Variants in NKD1 observed in about 807,000 individuals in gnomAD.
NKD1 encodes the protein NKD inhibitor of Wnt signaling pathway 1.
A neutral mutation model predicts 56.0 loss-of-function variants in NKD1; 21 were observed. That is an observed-to-expected ratio of 0.38 (90% CI 0.27 to 0.54). NKD1 has a LOEUF of 0.54. Ranked by LOEUF, NKD1 falls within the 20% of genes least tolerant of loss-of-function variation. The pLI is 0.82. For synonymous variants in NKD1, 263 were observed against 265.7 expected, an observed-to-expected ratio of 0.99 and a Z score of 0.10; for missense variants, 578 against 642.7, an observed-to-expected ratio of 0.90 and a Z score of 1.09.
chr16:50,639,863 A>G lies in NKD1; in HGVS notation c.*6082A>G, dbSNP rs1375082160. The G allele has an allele frequency of 5.9e-5, 9 of 152,230 alleles. No homozygotes were observed. The highest frequency in any genetic ancestry group is 2.6e-4 in the Admixed American group (4 of 15,286). The allele number at this position is 152,230 out of a possible 1,614,324, so 9.4% of individuals were successfully genotyped here. On this transcript the variant is annotated 3_prime_UTR_variant, in exon 10 of 10. Coordinates refer to ENST00000268459, the MANE Select transcript of NKD1 (RefSeq NM_033119.5). ...AGGACTACGGTCTGAAATTAGGGAG[A>G]TATGAATGTCTTTCTTGAAAACTTC...
rs181192932 is a variant in NKD1, at chr16:50,647,289, G to A, written c.*13508G>A. On this transcript the variant is annotated 3_prime_UTR_variant, in exon 10 of 10. Coordinates refer to ENST00000268459, the MANE Select transcript of NKD1 (RefSeq NM_033119.5). ...TCTGGGCAATGAGATCTGAAGGGAAGTCTGTTGAGGAACTTGTAACATGTC... is the reference window on the plus strand; with the variant it reads ...TCTGGGCAATGAGATCTGAAGGGAAATCTGTTGAGGAACTTGTAACATGTC... 1.0e-4 allele frequency: 16 copies of A among 152,386 alleles called. No individual in the cohort carries two copies. The highest frequency in any genetic ancestry group is 9.8e-4 in the Admixed American group (15 of 15,308). The allele number at this position is 152,386 out of a possible 1,614,324, so 9.4% of individuals were successfully genotyped here.
chr16:50,611,668 A>G (rs1376274016), intron 4 of NKD1, among the ~76,000 whole-genome samples: 1 of 152,130 alleles, frequency 6.6e-6, no homozygotes, highest in Non-Finnish European at 1.5e-5. Flanking sequence ...AATGGTCCCT[A>G]ACTTTGCCTT....
At position 50,633,183 on chromosome 16, in the gene NKD1, G is replaced by C; in HGVS notation, c.824-9G>C. On this transcript the variant is annotated splice_polypyrimidine_tract_variant and intron_variant, in intron 9 of 9. Coordinates refer to ENST00000268459, the MANE Select transcript of NKD1 (RefSeq NM_033119.5). This position sits in a 1 kb window ranked among gnomAD's most constrained non-coding sequence, Gnocchi z 4.9. Reference sequence around the variant, plus strand: ...GTGCTCATTAAATGTCTGTTGAATTGGTTCCTAGGCTCCCCTTCCGTGGCC... The same window carrying C: ...GTGCTCATTAAATGTCTGTTGAATTCGTTCCTAGGCTCCCCTTCCGTGGCC... 2 of 1,591,914 alleles carry C rather than the reference G, an allele frequency of 1.3e-6. No individual in the cohort carries two copies. The highest frequency in any genetic ancestry group is 1.7e-6 in the Non-Finnish European group (2 of 1,166,462).
Position 50,642,671 on chromosome 16 carries a change from T to G in NKD1, c.*8890T>G, listed in dbSNP as rs1187664086. 6.6e-6 allele frequency: 1 copy of G among 152,220 alleles called. No individual in the cohort carries two copies. Among genetic ancestry groups the G allele is most frequent in the Non-Finnish European group, 1.5e-5 (1 of 68,080 alleles). 9.4% of individuals were successfully genotyped at this position (152,220 alleles called of 1,614,324 possible). The stretch of plus-strand genomic sequence containing the variant: ...AGCCTGGCACGTAATAGGCCCTCGA[T>G]AAGTAAAACAGCAACAGTAGCTGCA... On this transcript the variant is annotated 3_prime_UTR_variant, in exon 10 of 10. Transcript: ENST00000268459.
intron 3 of NKD1, among the ~76,000 whole-genome samples, chr16:50,593,766 TG>T (rs1961418475): frequency 6.6e-6 from 1 of 152,240 alleles, no homozygotes. Flanking sequence ...TTCATTTTTT[TG>T]TGTTTTAAGT....
At chr16:50,562,986 A>ACCACCCC (rs1376803515) in intron 3 of NKD1, among the ~76,000 whole-genome samples, 1 of 60,436 alleles carries the variant, frequency 1.7e-5, no homozygotes, top group African/African-American at 9.4e-5. Context: ...TCCCACCACC[A>ACCACCCC]CCCCCCCCCC....
intron 4 of NKD1, among the ~76,000 whole-genome samples, chr16:50,621,086 A>G (rs771106601): frequency 1.3e-5 from 2 of 152,240 alleles, no homozygotes; most frequent in Non-Finnish European, 2.9e-5. Context: ...TGGACGGTGC[A>G]TGTGTGCACT....
rs1962711907 is a variant in NKD1, at chr16:50,648,054, GTGATTT to G, written c.*14274_*14279del. The stretch of plus-strand genomic sequence containing the variant: ...ACCTGACACCCTGCCAGCAACCTGG[GTGATTT>G]CCGCAGGTGTCTGAACCCCGATCTC... On this transcript the variant is annotated 3_prime_UTR_variant, in exon 10 of 10. Coordinates refer to ENST00000268459, the MANE Select transcript of NKD1 (RefSeq NM_033119.5). The G allele has an allele frequency of 6.6e-6, 1 of 152,312 alleles. No homozygotes were observed. The highest frequency in any genetic ancestry group is 1.5e-5 in the Non-Finnish European group (1 of 68,082). 9.4% of individuals were successfully genotyped at this position (152,312 alleles called of 1,614,324 possible).
At chr16:50,557,283 A>G (rs1596703604) in intron 3 of NKD1, 1 of 152,322 alleles carries the variant, frequency 6.6e-6, no homozygotes, top group South Asian at 2.1e-4. Context: ...GGTGTTTTTC[A>G]TTCCACAAAT....
chr16:50,567,076 G>C lies in NKD1; in HGVS notation c.192+17521G>C, dbSNP rs74017714. On this transcript the variant is annotated intron_variant, in intron 3 of 9. Transcript: ENST00000268459. The stretch of plus-strand genomic sequence containing the variant: ...TTTTCCCTATGTGATCTCCCAATTT[G>C]AGGGGTGCATAGAGCTTAGGACCAG... Among the ~76,000 whole-genome samples, 862 of 149,644 alleles carry C rather than the reference G, an allele frequency of 5.8e-3. 4 individuals carry two copies. The highest frequency in any genetic ancestry group is 0.02 in the African/African-American group (813 of 40,516).
chr16:50,579,789 C>T (rs975650872), intron 3 of NKD1, among the ~76,000 whole-genome samples: 2 of 151,658 alleles, frequency 1.3e-5, no homozygotes, highest in Non-Finnish European at 2.9e-5. Context: ...CACTCTAACC[C>T]GCCACACATG....
intron 3 of NKD1, among the ~76,000 whole-genome samples, chr16:50,596,324 TGTGA>T (rs933439338): frequency 1.1e-4 from 16 of 152,210 alleles, no homozygotes; most frequent in African/African-American, 3.4e-4. Flanking sequence ...GACTTCTGAG[TGTGA>T]GTCTTTCTAG....
intron 3 of NKD1, among the ~76,000 whole-genome samples, chr16:50,582,963 C>T (rs555979268): frequency 2.0e-5 from 3 of 152,154 alleles, no homozygotes; most frequent in African/African-American, 2.4e-5. Context: ...GCCGAGATTG[C>T]GCCCCTGCAC....
chr16:50,596,546 C>A (rs891606694), intron 3 of NKD1, among the ~76,000 whole-genome samples: 5 of 152,220 alleles, frequency 3.3e-5, no homozygotes, highest in African/African-American at 9.6e-5. Context: ...CGTGGAAACA[C>A]GTGCAGATAA....
At chr16:50,585,366 G>A (rs1047173122) in intron 3 of NKD1, among the ~76,000 whole-genome samples, 6 of 152,178 alleles carry the variant, frequency 3.9e-5, no homozygotes, top group Admixed American at 3.3e-4. Context: ...AGGAGAAGGC[G>A]CCCGGCAGCT....
rs912288315 is a variant in NKD1, at chr16:50,598,229, C to G, written c.193-10065C>G. On this transcript the variant is annotated intron_variant, in intron 3 of 9. Coordinates refer to ENST00000268459, the MANE Select transcript of NKD1 (RefSeq NM_033119.5). This position sits in a 1 kb window ranked among gnomAD's most constrained non-coding sequence, Gnocchi z 4.2. Reference sequence around the variant, plus strand: ...CACTGCAGGGCCGCATGGGTGGACTCTGTGTGTGTGTGTGTGTGTGTGTGT... The same window carrying G: ...CACTGCAGGGCCGCATGGGTGGACTGTGTGTGTGTGTGTGTGTGTGTGTGT... Among the ~76,000 whole-genome samples, 5 of 143,960 alleles carry G rather than the reference C, an allele frequency of 3.5e-5. No homozygotes were observed. Among genetic ancestry groups the G allele is most frequent in the Admixed American group, 6.8e-5 (1 of 14,678 alleles). 94.4% of individuals were successfully genotyped at this position (143,960 alleles called of 152,430 possible).
chr16:50,603,493 C>G (rs1291993382), intron 3 of NKD1, among the ~76,000 whole-genome samples: 1 of 152,226 alleles, frequency 6.6e-6, no homozygotes, highest in African/African-American at 2.4e-5. Context: ...TCCTCTTTCC[C>G]CGGCACATCC....
At chr16:50,548,635 C>A in intron 1 of NKD1, 57 bp downstream of exon 1, 3 of 1,453,680 alleles carry the variant, frequency 2.1e-6, no homozygotes, top group Non-Finnish European at 2.7e-6. Context: ...CCGCCGCGGT[C>A]GCTAACTCTC....
Position 50,646,617 on chromosome 16 carries a change from CCCTCTAG to C in NKD1, c.*12837_*12843del, listed in dbSNP as rs1962686363. 1 of 152,250 alleles carries C rather than the reference CCCTCTAG, an allele frequency of 6.6e-6. No individual in the cohort carries two copies. Among genetic ancestry groups the C allele is most frequent in the African/African-American group, 2.4e-5 (1 of 41,420 alleles). The allele number at this position is 152,250 out of a possible 1,614,324, so 9.4% of individuals were successfully genotyped here. ...TCAGGCCCTGGGGACACAGTGCCCT[CCCTCTAG>C]GAGCCTTAATGGGGAAAACAAGAAC... On this transcript the variant is annotated 3_prime_UTR_variant, in exon 10 of 10. Transcript: ENST00000268459.
Sources: gnomAD v4.1 joint callset for allele counts (sites outside exome capture counted in the v4.1 genomes callset) on GRCh38, gnomAD v4.1.1 for gene constraint, Gnocchi (gnomAD v3.1) non-coding constraint, MANE v1.5 for transcripts, NCBI Gene and HGNC (gene_info 2026-07-23, HGNC 2026-07-21) for gene names.